Variants in CDH13 observed in about 807,000 individuals in gnomAD.
CDH13 encodes cadherin-13.
A neutral mutation model predicts 63.8 loss-of-function variants in CDH13; 24 were observed. The observed-to-expected ratio is 0.38, with a 90% CI of 0.27 to 0.53. The LOEUF is 0.53. Ranked by LOEUF, CDH13 falls within the 20% of genes least tolerant of loss-of-function variation. The pLI is 0.85. For synonymous variants in CDH13, 503 were observed against 355.3 expected (o/e 1.42, Z -4.67); for missense variants, 1,049 against 903.1 (o/e 1.16, Z -2.07).
chr16:82,859,938 C>T (rs74029266), intron 2 of CDH13, among the ~76,000 whole-genome samples: 2,147 of 152,268 alleles, frequency 0.014, 42 homozygotes, highest in African/African-American at 0.048. Context: ...AGGGCTGGCA[C>T]AATAAGTGAA....
At chr16:83,375,324 C>A (rs2091440609) in intron 6 of CDH13, among the ~76,000 whole-genome samples, 1 of 152,216 alleles carries the variant, frequency 6.6e-6, no homozygotes, top group Non-Finnish European at 1.5e-5. Context: ...AGATAAGGGA[C>A]TGAGCTCATG....
chr16:83,084,118 G>T (rs1465567636), intron 3 of CDH13, among the ~76,000 whole-genome samples: 1 of 152,190 alleles, frequency 6.6e-6, no homozygotes, highest in African/African-American at 2.4e-5. Context: ...CAATTTGGAT[G>T]TTATAGGTAG....
chr16:82,682,771 A>G (rs771247869), intron 1 of CDH13, among the ~76,000 whole-genome samples: 4 of 152,202 alleles, frequency 2.6e-5, no homozygotes, highest in Non-Finnish European at 5.9e-5. Flanking sequence ...TGAGAAAAAT[A>G]TTGGAAAGAT....
In CDH13 at chr16:82,924,235, A is replaced by T. The variant is rs112732004; in HGVS notation, c.157+65762A>T. Among the ~76,000 whole-genome samples, 7 of 152,174 alleles carry T rather than the reference A, an allele frequency of 4.6e-5. 1 individual carries two copies. Among genetic ancestry groups the T allele is most frequent in the African/African-American group, 1.7e-4 (7 of 41,514 alleles). ...CAAAACAGAAGATAATGATCAAAGG[A>T]CTCCATGTCTATGTGGTTGCTTTAT... On this transcript the variant is annotated intron_variant, in intron 2 of 13. Coordinates refer to ENST00000567109, the MANE Select transcript of CDH13 (RefSeq NM_001257.5).
intron 1 of CDH13, among the ~76,000 whole-genome samples, chr16:82,846,565 C>G (rs769236853): frequency 2.0e-5 from 3 of 152,118 alleles, no homozygotes; most frequent in African/African-American, 4.8e-5. Context: ...CACATAGAAA[C>G]TAACTGGAAA....
intron 2 of CDH13, among the ~76,000 whole-genome samples, chr16:82,971,408 A>G (rs1366253084): frequency 6.6e-6 from 1 of 152,180 alleles, no homozygotes; most frequent in African/African-American, 2.4e-5. Context: ...GTCTGTTCCT[A>G]GGACAGCAAA....
At chr16:83,502,993 C>A (rs569852008) in intron 7 of CDH13, among the ~76,000 whole-genome samples, 1 of 152,200 alleles carries the variant, frequency 6.6e-6, no homozygotes, top group Non-Finnish European at 1.5e-5. Flanking sequence ...TTGGCCCTCA[C>A]AAGGGCACAG....
intron 5 of CDH13, among the ~76,000 whole-genome samples, chr16:83,288,237 A>T (rs2089372760): frequency 6.6e-6 from 1 of 152,172 alleles, no homozygotes; most frequent in Admixed American, 6.5e-5. Context: ...CCAATAGCTA[A>T]CTCACTCTTA....
intron 10 of CDH13, chr16:83,735,918 C>T (rs1304649031): frequency 6.6e-6 from 1 of 151,940 alleles, no homozygotes; most frequent in East Asian, 1.9e-4. Context: ...TATATTCAGG[C>T]CTAGGAATGC....
chr16:82,677,570 G>A (rs186147989), intron 1 of CDH13, among the ~76,000 whole-genome samples: 92 of 151,320 alleles, frequency 6.1e-4, no homozygotes, highest in African/African-American at 2.1e-3. Flanking sequence ...AAGGCAGATA[G>A]GATTAGGTTC....
intron 1 of CDH13, among the ~76,000 whole-genome samples, chr16:82,780,521 C>A (rs1313095809): frequency 6.6e-6 from 1 of 152,124 alleles, no homozygotes; most frequent in Non-Finnish European, 1.5e-5. Flanking sequence ...TAAATTGATT[C>A]CAGGTGATGC....
chr16:83,421,576 T>A (rs573894506), intron 6 of CDH13, among the ~76,000 whole-genome samples: 2 of 152,376 alleles, frequency 1.3e-5, no homozygotes, highest in South Asian at 4.1e-4. Context: ...AGAAGATTCA[T>A]GATCTTTTCT....
chr16:83,419,991 A>G (rs948947895), intron 6 of CDH13, among the ~76,000 whole-genome samples: 1 of 151,952 alleles, frequency 6.6e-6, no homozygotes, highest in African/African-American at 2.4e-5. Flanking sequence ...GCTTGAGAGA[A>G]CTGATTAACT....
At chr16:82,879,415 T>G (rs1455550694) in intron 2 of CDH13, among the ~76,000 whole-genome samples, 1 of 149,624 alleles carries the variant, frequency 6.7e-6, no homozygotes, top group African/African-American at 2.5e-5. Flanking sequence ...GAGCAAATGA[T>G]ACATACTGTT....
intron 5 of CDH13, among the ~76,000 whole-genome samples, chr16:83,310,657 C>T (rs758822668): frequency 2.8e-4 from 43 of 152,206 alleles, no homozygotes; most frequent in Non-Finnish European, 5.1e-4. Flanking sequence ...TCTGCCTCTA[C>T]TTCATTCCAT....
chr16:82,968,149 T>G (rs971327454), intron 2 of CDH13, among the ~76,000 whole-genome samples: 1 of 152,222 alleles, frequency 6.6e-6, no homozygotes, highest in Admixed American at 6.5e-5. Flanking sequence ...GGTTCTTTTT[T>G]TATTCTGTAG....
At chr16:83,073,677 G>A (rs1196469967) in intron 3 of CDH13, among the ~76,000 whole-genome samples, 3 of 151,918 alleles carry the variant, frequency 2.0e-5, no homozygotes, top group Non-Finnish European at 4.4e-5. Flanking sequence ...TGCTTAGTCA[G>A]TTACCCTGAC....
rs574180908 is a variant in CDH13, at chr16:83,353,548, G to A, written c.781+8542G>A. 5.1e-4 allele frequency among the ~76,000 whole-genome samples: 78 copies of A among 152,346 alleles called. No individual in the cohort carries two copies. The South Asian group carries it at 0.016, about 30-fold the overall frequency. On this transcript the variant is annotated intron_variant, in intron 6 of 13. Transcript: ENST00000567109. ...ATCTAACCAACCAACAGAACTGTAT[G>A]TTTCTTCTTTAATGTGAATAACTGT...
At chr16:83,280,389 A>T (rs1031515595) in intron 5 of CDH13, among the ~76,000 whole-genome samples, 3 of 152,200 alleles carry the variant, frequency 2.0e-5, no homozygotes, top group African/African-American at 7.2e-5. Flanking sequence ...TTCATGTTTT[A>T]TGATGAGATG....
Sources: allele counts gnomAD v4.1 joint callset (sites outside exome capture counted in the v4.1 genomes callset), GRCh38; gene constraint gnomAD v4.1.1; transcripts MANE v1.5; gene names NCBI Gene and HGNC (gene_info 2026-07-23, HGNC 2026-07-21).